AFG2A: variants seen among roughly 807,000 people sequenced by gnomAD.
AFG2A encodes the protein ATPase family gene 2 protein homolog A.
the AFG2A span, among the ~76,000 whole-genome samples, chr4:123,052,618 A>C: frequency 2.4e-4 from 36 of 152,342 alleles, no homozygotes; most frequent in East Asian, 3.5e-3. Flanking sequence ...TTCTAAGCCA[A>C]CTGAGTATTG....
chr4:123,016,895 G>C, the AFG2A span, among the ~76,000 whole-genome samples: 1 of 152,156 alleles, frequency 6.6e-6, no homozygotes, highest in Admixed American at 6.5e-5. Context: ...CGAGGCTGGC[G>C]GATCACTCGC....
At chr4:122,963,037 G>T in the AFG2A span, among the ~76,000 whole-genome samples, 1 of 152,146 alleles carries the variant, frequency 6.6e-6, no homozygotes, top group African/African-American at 2.4e-5. Flanking sequence ...TAGTTAACAT[G>T]GTGAAGCTGT....
chr4:122,948,063 C>A, the AFG2A span, among the ~76,000 whole-genome samples: 2 of 151,870 alleles, frequency 1.3e-5, no homozygotes, highest in Non-Finnish European at 2.9e-5. Flanking sequence ...ATTGGCAAGG[C>A]TTCAGGTCAA....
the AFG2A span, among the ~76,000 whole-genome samples, chr4:122,983,230 T>C: frequency 0.012 from 1,851 of 152,254 alleles, 43 homozygotes; most frequent in African/African-American, 0.041. Context: ...TGCTTATCTT[T>C]TGAAAAAACA....
chr4:123,305,578 G>C, the AFG2A span, among the ~76,000 whole-genome samples: 1 of 152,230 alleles, frequency 6.6e-6, no homozygotes, highest in South Asian at 2.1e-4. Flanking sequence ...AACATGGGAA[G>C]AGTTAAAGCA....
the AFG2A span, among the ~76,000 whole-genome samples, chr4:123,131,484 A>G: frequency 3.3e-5 from 5 of 152,142 alleles, no homozygotes; most frequent in African/African-American, 9.7e-5. Flanking sequence ...ATCTGTACCC[A>G]TTAAACAACT....
the AFG2A span, among the ~76,000 whole-genome samples, chr4:123,081,858 C>T: frequency 1.3e-5 from 2 of 152,196 alleles, no homozygotes; most frequent in African/African-American, 4.8e-5. Flanking sequence ...GTAATGGTAT[C>T]TTATTGTTTT....
the AFG2A span, among the ~76,000 whole-genome samples, chr4:123,006,486 C>T: frequency 7.2e-5 from 11 of 152,014 alleles, no homozygotes; most frequent in East Asian, 5.8e-4. Context: ...TTGCTCTTTC[C>T]TCTCTCACTG....
the AFG2A span, among the ~76,000 whole-genome samples, chr4:123,196,546 A>G: frequency 6.6e-6 from 1 of 151,964 alleles, no homozygotes; most frequent in Non-Finnish European, 1.5e-5. Flanking sequence ...TTTTTTTTCC[A>G]CATGAGACCA....
the AFG2A span, among the ~76,000 whole-genome samples, chr4:123,030,087 ATT>A: frequency 6.6e-6 from 1 of 151,794 alleles, no homozygotes; most frequent in African/African-American, 2.4e-5. Flanking sequence ...TCTCATCTCC[ATT>A]TTTTCTGTTC....
At chr4:123,208,252 G>A in the AFG2A span, among the ~76,000 whole-genome samples, 3 of 152,152 alleles carry the variant, frequency 2.0e-5, no homozygotes, top group African/African-American at 7.2e-5. Flanking sequence ...AAAAATTGAA[G>A]TTGGACCCCT....
the AFG2A span, among the ~76,000 whole-genome samples, chr4:123,009,293 C>T: frequency 4.6e-5 from 7 of 152,304 alleles, no homozygotes; most frequent in South Asian, 4.1e-4. Flanking sequence ...AGGTTAGTCA[C>T]GTTGGTATAC....
chr4:123,231,713 T>C, the AFG2A span, among the ~76,000 whole-genome samples: 1 of 152,104 alleles, frequency 6.6e-6, no homozygotes, highest in African/African-American at 2.4e-5. Context: ...TAGCTTTTTA[T>C]GTAAAGTGAG....
the AFG2A span, among the ~76,000 whole-genome samples, chr4:123,007,508 G>C: frequency 2.9e-4 from 42 of 147,018 alleles, no homozygotes; most frequent in African/African-American, 1.0e-3. Context: ...CTTCTTTCTT[G>C]CCTATTAAAT....
At chr4:123,126,523 A>T in the AFG2A span, among the ~76,000 whole-genome samples, 2 of 152,170 alleles carry the variant, frequency 1.3e-5, no homozygotes, top group Non-Finnish European at 2.9e-5. Flanking sequence ...ATCTCAAATT[A>T]TAGTTCCCAT....
At chr4:123,140,511 A>T in the AFG2A span, among the ~76,000 whole-genome samples, 11,563 of 76,262 alleles carry the variant, frequency 0.15, 652 homozygotes, top group South Asian at 0.34. Context: ...TTTTTTTTTT[A>T]AAAAAGCGAT....
the AFG2A span, among the ~76,000 whole-genome samples, chr4:123,168,323 A>T: frequency 2.0e-5 from 3 of 152,150 alleles, no homozygotes; most frequent in African/African-American, 4.8e-5. Flanking sequence ...TTTTCCCAGC[A>T]TATTTGTGTT....
the AFG2A span, among the ~76,000 whole-genome samples, chr4:123,129,108 G>A: frequency 6.6e-6 from 1 of 152,116 alleles, no homozygotes; most frequent in Non-Finnish European, 1.5e-5. Flanking sequence ...GATGAATTCT[G>A]AAATATGGAG....
chr4:123,023,150 C>G, the AFG2A span, among the ~76,000 whole-genome samples: 1 of 150,718 alleles, frequency 6.6e-6, no homozygotes, highest in African/African-American at 2.4e-5. Context: ...CTAACCTGCA[C>G]ATTGTGCACA....
Sources: allele counts gnomAD v4.1 joint callset (sites outside exome capture counted in the v4.1 genomes callset), GRCh38; gene constraint gnomAD v4.1.1; transcripts MANE v1.5; gene names NCBI Gene and HGNC (gene_info 2026-07-23, HGNC 2026-07-21).